SNRNP200: variants seen among roughly 807,000 people sequenced by gnomAD.
SNRNP200 encodes the protein U5 small nuclear ribonucleoprotein 200 kDa helicase.
A neutral mutation model predicts 255.2 loss-of-function variants in SNRNP200; 66 were observed. The ratio of observed to expected loss-of-function variants is 0.26; its 90% confidence interval spans 0.21 to 0.32. The LOEUF (loss-of-function observed/expected upper bound fraction) is 0.32. SNRNP200 is among the 10% of genes least tolerant of loss of function. The pLI, the probability that SNRNP200 is intolerant of heterozygous loss-of-function variation, is 1.00. For synonymous variants in SNRNP200, 939 were observed against 1,027.8 expected (o/e 0.91, Z 1.65); for missense variants, 1,585 against 2,749.8 (o/e 0.58, Z 9.47).
In SNRNP200 at chr2:96,281,942, G is replaced by A. The variant is rs1249388583; in HGVS notation, c.4916-20C>T. The A allele has an allele frequency of 6.3e-7, 1 of 1,588,636 alleles. No homozygotes were observed. The highest frequency in any genetic ancestry group is 8.6e-7 in the Non-Finnish European group (1 of 1,157,058). Reference sequence around the variant, plus strand: ...TAGCCCCTGAGCAGTAGAGGGGAGAGGAAGGCTGAGGGCAGGGGTCTCCGG... The same window carrying A: ...TAGCCCCTGAGCAGTAGAGGGGAGAAGAAGGCTGAGGGCAGGGGTCTCCGG... On this transcript the variant is annotated intron_variant, in intron 34 of 44. Transcript: ENST00000323853.
chr2:96,295,394 C>A, intron 14 of SNRNP200, 94 bp downstream of exon 14: 1 of 1,520,620 alleles, frequency 6.6e-7, no homozygotes, highest in South Asian at 1.1e-5. Context: ...CTAGTGCCTA[C>A]AGAAAAGGCA....
chr2:96,299,068 C>T lies in SNRNP200; in HGVS notation c.730-101G>A, dbSNP rs561597375. On this transcript the variant is annotated intron_variant, in intron 6 of 44. Transcript: ENST00000323853. The stretch of plus-strand genomic sequence containing the variant: ...GTTCTACTTGACAATCCATAGCCCA[C>T]CTTCTTGTGAGGACTTTCCAGAGGA... 6.0e-5 allele frequency: 89 copies of T among 1,488,960 alleles called. 1 individual carries two copies. The African/African-American group carries it at 1.1e-3, about 19-fold the overall frequency. 92.2% of individuals were successfully genotyped at this position (1,488,960 alleles called of 1,614,324 possible).
rs2063885991 is a variant in SNRNP200, at chr2:96,291,841, G to A, written c.2220C>T (p.Asp740=). 1.9e-6 allele frequency: 3 copies of A among 1,614,186 alleles called. No homozygotes were observed. The highest frequency in any genetic ancestry group is 1.1e-5 in the South Asian group (1 of 91,080). ...CCAGAGTGTCCTTTTCTAGGCACATGTCCCGGATGGCCCTGGCTGTCTTTC... is the reference window on the plus strand; with the variant it reads ...CCAGAGTGTCCTTTTCTAGGCACATATCCCGGATGGCCCTGGCTGTCTTTC... ...ETGKTARAIR[D]MCLEKDTLGL... is the part of the protein sequence containing the mutation. The change falls in exon 17 of 45, where the codon GAC becomes GAT. Residue 740 remains aspartate, a synonymous_variant. Transcript: ENST00000323853. The surrounding 1 kb of genome is among the most constrained non-coding windows in gnomAD (Gnocchi z 4.2).
Position 96,279,697 on chromosome 2 carries a change from A to G in SNRNP200, c.5025-138T>C, listed in dbSNP as rs562565859. ...GACAAATCACGGGACGACTCTGTTT[A>G]TGAATCTCTGCACTTACAACTAGCT... On this transcript the variant is annotated intron_variant, in intron 35 of 44. Transcript: ENST00000323853. 5.6e-5 allele frequency: 38 copies of G among 683,262 alleles called. No homozygotes were observed. The African/African-American group carries it at 6.0e-4, about 11-fold the overall frequency. 42.3% of individuals were successfully genotyped at this position (683,262 alleles called of 1,614,324 possible).
At chr2:96,302,114 G>T (rs958446758) in intron 3 of SNRNP200, among the ~76,000 whole-genome samples, 1 of 152,226 alleles carries the variant, frequency 6.6e-6, no homozygotes, top group African/African-American at 2.4e-5. Context: ...ATGGATTCTA[G>T]AGATAAACTA....
chr2:96,304,875 A>G lies in SNRNP200; in HGVS notation c.46-7T>C, dbSNP rs373701482. ...GGAGCACAAGATTCGAGTTCTGAAAAGATCAAAACATTATTGAAGCTTTGA... is the reference window on the plus strand; with the variant it reads ...GGAGCACAAGATTCGAGTTCTGAAAGGATCAAAACATTATTGAAGCTTTGA... On this transcript the variant is annotated splice_region_variant and splice_polypyrimidine_tract_variant and intron_variant, in intron 1 of 44. Transcript: ENST00000323853. 334 of 1,613,896 alleles carry G rather than the reference A, an allele frequency of 2.1e-4. No individual in the cohort carries two copies. Among genetic ancestry groups the G allele is most frequent in the Non-Finnish European group, 2.7e-4 (316 of 1,179,872 alleles).
At chr2:96,301,482 A>G (rs757710845) in intron 4 of SNRNP200, 42 bp downstream of exon 4, 25 of 1,598,358 alleles carry the variant, frequency 1.6e-5, no homozygotes, top group Non-Finnish European at 6.0e-6. Flanking sequence ...AGGGGTCAAC[A>G]ACAACCAATG....
intron 21 of SNRNP200, 34 bp downstream of exon 21, chr2:96,289,765 G>A (rs1350209802): frequency 1.2e-6 from 2 of 1,608,544 alleles, no homozygotes; most frequent in African/African-American, 2.7e-5. Flanking sequence ...AACTTTTGCT[G>A]AGACCTTTGC....
In SNRNP200 at chr2:96,286,548, C is replaced by G; in HGVS notation, c.3830-64G>C. The G allele has an allele frequency of 6.2e-7, 1 of 1,603,244 alleles. No homozygotes were observed. Among genetic ancestry groups the G allele is most frequent in the Middle Eastern group, 2.1e-4 (1 of 4,716 alleles). ...TCTTTCCCTCACTGGCCTCTAGATC[C>G]CCTCCATGAACACTGGAAACCTAGG... is the stretch of plus-strand genomic sequence containing the variant. On this transcript the variant is annotated intron_variant, in intron 28 of 44. Coordinates refer to ENST00000323853, the MANE Select transcript of SNRNP200 (RefSeq NM_014014.5). This position sits in a 1 kb window ranked among gnomAD's most constrained non-coding sequence, Gnocchi z 4.8.
chr2:96,288,795 C>A, intron 23 of SNRNP200, 49 bp from the exon 24 acceptor site: 1 of 1,495,704 alleles, frequency 6.7e-7, no homozygotes, highest in South Asian at 1.1e-5. Flanking sequence ...CTGAACAGTC[C>A]AAGAAAGGGA....
chr2:96,301,286 C>A (rs1238475902), intron 4 of SNRNP200, among the ~76,000 whole-genome samples: 2 of 152,148 alleles, frequency 1.3e-5, no homozygotes, highest in South Asian at 2.1e-4. Context: ...CCACTTGAGC[C>A]CCCAAGGCTC....
chr2:96,304,992 A>C, intron 1 of SNRNP200, 124 bp from the exon 2 acceptor site: 1 of 1,120,020 alleles, frequency 8.9e-7, no homozygotes, highest in Non-Finnish European at 1.3e-6. Context: ...ATCGTAATAA[A>C]AATATATTTT....
At chr2:96,304,259 AT>A (rs202234840) in intron 2 of SNRNP200, among the ~76,000 whole-genome samples, 151 of 152,112 alleles carry the variant, frequency 9.9e-4, no homozygotes, top group African/African-American at 3.1e-3. Context: ...AAAAAAAAAA[AT>A]AAAGGAAAAA....
rs768251722 is a variant in SNRNP200, at chr2:96,296,524, C to G, written c.1671+12G>C. ...ACCCAGTATCCTCTGCAGGAAAGTTCTACTCCCTCACCTTTCCAAAGCTGC... is the reference window on the plus strand; with the variant it reads ...ACCCAGTATCCTCTGCAGGAAAGTTGTACTCCCTCACCTTTCCAAAGCTGC... On this transcript the variant is annotated intron_variant, in intron 13 of 44. Transcript: ENST00000323853. 14 of 1,613,874 alleles carry G rather than the reference C, an allele frequency of 8.7e-6. No individual in the cohort carries two copies. The highest frequency in any genetic ancestry group is 1.2e-5 in the Non-Finnish European group (14 of 1,179,876).
intron 34 of SNRNP200, 43 bp from the exon 35 acceptor site, chr2:96,281,965 C>T (rs753209497): frequency 1.4e-4 from 210 of 1,489,946 alleles, no homozygotes; most frequent in Non-Finnish European, 1.8e-4. Flanking sequence ...CAGGGGTCTC[C>T]GGGTGAAGTA....
chr2:96,284,364 C>T lies in SNRNP200; in HGVS notation c.4386G>A (p.Glu1462=), dbSNP rs748118524. 8.1e-6 allele frequency: 13 copies of T among 1,613,730 alleles called. No homozygotes were observed. The African/African-American group carries it at 1.2e-4, about 15-fold the overall frequency. ...CTGCAAGGTCACGCCATACCCCATTCTCGCCCCCGATAAGGTGGACCTCAT... is the reference window on the plus strand; with the variant it reads ...CTGCAAGGTCACGCCATACCCCATTTTCGCCCCCGATAAGGTGGACCTCAT... ...VVDEVHLIGG[E]NGPVLEVICS... is the part of the protein sequence containing the mutation. The change falls in exon 31 of 45, where the codon GAG becomes GAA. Residue 1462 remains glutamate (E), a synonymous_variant. Transcript: ENST00000323853.
intron 12 of SNRNP200, 82 bp downstream of exon 12, chr2:96,296,851 G>A: frequency 6.3e-7 from 1 of 1,579,960 alleles, no homozygotes; most frequent in Non-Finnish European, 8.7e-7. Context: ...ATTAGGGGGT[G>A]GGGGTGGAAA....
intron 30 of SNRNP200, 155 bp downstream of exon 30, chr2:96,285,025 C>A: frequency 1.1e-6 from 1 of 872,654 alleles, no homozygotes; most frequent in South Asian, 1.4e-5. Context: ...GCTGGGATTA[C>A]AGGCGTGAGC....
Position 96,289,202 on chromosome 2 carries a change from G to A in SNRNP200, c.3093+25C>T, listed in dbSNP as rs201314136. ...GTGACTTGGTGAGCACCAACTCCCC[G>A]CCCCATCATGCTGCATAGGCTCACC... On this transcript the variant is annotated intron_variant, in intron 22 of 44. Transcript: ENST00000323853. 44 of 1,614,118 alleles carry A rather than the reference G, an allele frequency of 2.7e-5. No homozygotes were observed. The Middle Eastern group carries it at 4.9e-4, about 18-fold the overall frequency.
Sources: gnomAD v4.1 joint callset for allele counts (sites outside exome capture counted in the v4.1 genomes callset) on GRCh38, gnomAD v4.1.1 for gene constraint, Gnocchi (gnomAD v3.1) non-coding constraint, MANE v1.5 for transcripts, NCBI Gene and HGNC (gene_info 2026-07-23, HGNC 2026-07-21) for gene names.